The following PRSS3 variants were observed in gnomAD, a reference collection of about 807,000 sequenced individuals.
PRSS3 encodes the protein trypsin-3.
PRSS3 carries 14 observed loss-of-function variants against 20.8 expected under a neutral mutation model. That is an observed-to-expected ratio of 0.67 (90% CI 0.44 to 1.05). The LOEUF is 1.05. PRSS3 is among the 50% of genes least tolerant of loss of function. The probability of loss-of-function intolerance (pLI) is 0.00; values close to 1 mark genes in which losing one functional copy is unlikely to be tolerated. For missense variants in PRSS3, 237 were observed against 306.4 expected, an observed-to-expected ratio of 0.77 and a Z score of 1.69; for synonymous variants, 91 against 117.6, an observed-to-expected ratio of 0.77 and a Z score of 1.46.
Position 33,798,347 on chromosome 9 carries a change from G to C in PRSS3, c.455-139G>C, listed in dbSNP as rs959937229. On this transcript the variant is annotated intron_variant, in intron 3 of 4. Transcript: ENST00000379405. ...TGATCATTCTGGAAACTAAAAGCCA[G>C]AGTCCCTTGCCAGAACTTACGTTTT... 84 of 1,386,548 alleles carry C rather than the reference G, an allele frequency of 6.1e-5. No homozygotes were observed. In the African/African-American group the frequency reaches 8.2e-4, roughly 13 times the overall value. The allele number at this position is 1,386,548 out of a possible 1,614,324, so 85.9% of individuals were successfully genotyped here. A position where few individuals can be genotyped will look rare whatever the true frequency, so the allele number is the denominator to read the frequency against.
In PRSS3 at chr9:33,798,319, C is replaced by G. The variant is rs1304840014; in HGVS notation, c.455-167C>G. The G allele has an allele frequency of 5.4e-6, 7 of 1,292,726 alleles. No homozygotes were observed. In the African/African-American group the frequency reaches 8.8e-5, roughly 16 times the overall value. The allele number at this position is 1,292,726 out of a possible 1,614,324, so 80.1% of individuals were successfully genotyped here. ...TGATCACGTCTTGGGAGGGGTTCAA[C>G]AATGATCATTCTGGAAACTAAAAGC... On this transcript the variant is annotated intron_variant, in intron 3 of 4. Coordinates refer to ENST00000379405, the MANE Select transcript of PRSS3 (RefSeq NM_002771.4).
chr9:33,795,391 A>T, upstream of PRSS3: 2 of 781,082 alleles, frequency 2.6e-6, no homozygotes, highest in Non-Finnish European at 4.2e-6. Context: ...TCACCTGTGA[A>T]TCACAAACCC....
At position 33,771,629 on chromosome 9, in the gene PRSS3, GT is replaced by G. The variant is rs1215528117; in HGVS notation, c.-53+20909del. ...GGCATGAGCCACTGCACTGGGTTTT[GT>G]TTTTTTGTTTTTTTGTTTTTTTTTT... On this transcript the variant is annotated intron_variant, in intron 1 of 5. Transcript: ENST00000342836. Among the ~76,000 whole-genome samples, 21 of 115,224 alleles carry G rather than the reference GT, an allele frequency of 1.8e-4. 1 individual carries two copies. The highest frequency in any genetic ancestry group is 1.4e-3 in the Admixed American group (16 of 11,456). 75.6% of individuals were successfully genotyped at this position (115,224 alleles called of 152,430 possible).
chr9:33,769,507 G>A (rs933889984), intron 1 of PRSS3, among the ~76,000 whole-genome samples: 3 of 152,220 alleles, frequency 2.0e-5, no homozygotes, highest in African/African-American at 7.2e-5. Flanking sequence ...TGCCAGTTTG[G>A]ACCAAAGGAG....
At chr9:33,751,205 C>T (rs1002444073) in intron 1 of PRSS3, among the ~76,000 whole-genome samples, 4 of 152,228 alleles carry the variant, frequency 2.6e-5, no homozygotes, top group African/African-American at 4.8e-5. Context: ...TCACAGCTCA[C>T]ATAGCTCTGG....
At chr9:33,790,191 T>C (rs1453261598) in intron 1 of PRSS3, among the ~76,000 whole-genome samples, 2 of 152,216 alleles carry the variant, frequency 1.3e-5, no homozygotes, top group Non-Finnish European at 2.9e-5. Context: ...TTATAAAATA[T>C]GCATATTATC....
chr9:33,798,188 T>C, intron 3 of PRSS3, 106 bp downstream of exon 3: 3 of 1,570,528 alleles, frequency 1.9e-6, no homozygotes, highest in Non-Finnish European at 2.6e-6. Flanking sequence ...AAGACACATT[T>C]CTAGTGCCCA....
intron 1 of PRSS3, among the ~76,000 whole-genome samples, chr9:33,774,525 G>A (rs145118207): frequency 1.9e-3 from 282 of 152,280 alleles, no homozygotes; most frequent in African/African-American, 6.0e-3. Flanking sequence ...GGCAGGGCAG[G>A]GAGGAGGGAA....
At chr9:33,777,464 A>C (rs1823981879) in intron 1 of PRSS3, among the ~76,000 whole-genome samples, 1 of 148,734 alleles carries the variant, frequency 6.7e-6, no homozygotes, top group Admixed American at 6.8e-5. Context: ...AAGCGGGCGG[A>C]TCATGAGGTC....
intron 1 of PRSS3, among the ~76,000 whole-genome samples, chr9:33,780,602 T>C (rs192116748): frequency 3.5e-4 from 53 of 152,238 alleles, no homozygotes; most frequent in African/African-American, 1.2e-3. Context: ...TAAAAGACAT[T>C]GAGTGGCAAA....
chr9:33,792,723 G>T (rs949963339), upstream of PRSS3, among the ~76,000 whole-genome samples: 1 of 152,122 alleles, frequency 6.6e-6, no homozygotes, highest in Non-Finnish European at 1.5e-5. Flanking sequence ...ATGGGCAATC[G>T]CATAAGTGGT....
At position 33,796,675 on chromosome 9, in the gene PRSS3, G is replaced by C; in HGVS notation, c.73G>C (p.Val25Leu). 1.9e-6 allele frequency: 3 copies of C among 1,582,932 alleles called. No individual in the cohort carries two copies. Among genetic ancestry groups the C allele is most frequent in the Non-Finnish European group, 2.6e-6 (3 of 1,160,226 alleles). The change falls in exon 2 of 5, where the codon GTT becomes CTT. Residue 25 changes from valine (V) to leucine (L), a missense_variant. Transcript: ENST00000379405. ...CCCCTTTGACGATGATGACAAGATT[G>C]TTGGGGGCTACACCTGTGAGGAGAA... ...AVPFDDDDKIVGGYTCEENSL... is the reference protein window; with the variant it reads ...AVPFDDDDKILGGYTCEENSL...
chr9:33,790,021 AATT>A (rs1291213372), intron 1 of PRSS3, among the ~76,000 whole-genome samples: 1 of 152,222 alleles, frequency 6.6e-6, no homozygotes, highest in Non-Finnish European at 1.5e-5. Flanking sequence ...CAAAATATGC[AATT>A]AGTGTAGTTG....
At chr9:33,794,533 A>C (rs376434424), upstream of PRSS3, among the ~76,000 whole-genome samples, 4 of 152,256 alleles carry the variant, frequency 2.6e-5, no homozygotes, top group African/African-American at 9.6e-5. Flanking sequence ...TAAAATAGAA[A>C]ATTCTAGACC....
chr9:33,763,624 G>A (rs1455021709), intron 1 of PRSS3, among the ~76,000 whole-genome samples: 13 of 151,620 alleles, frequency 8.6e-5, no homozygotes, highest in East Asian at 1.9e-4. Context: ...GCGTGAACCC[G>A]GGAGGCGGAG....
intron 1 of PRSS3, among the ~76,000 whole-genome samples, chr9:33,757,050 A>T (rs1025800617): frequency 2.6e-5 from 4 of 152,202 alleles, no homozygotes; most frequent in Non-Finnish European, 5.9e-5. Flanking sequence ...CTGTAGAAAG[A>T]TCTCATTTCT....
At chr9:33,756,497 T>C (rs997160397) in intron 1 of PRSS3, among the ~76,000 whole-genome samples, 5 of 152,186 alleles carry the variant, frequency 3.3e-5, no homozygotes, top group African/African-American at 1.2e-4. Flanking sequence ...TTATATAATT[T>C]TCTCGTTCTT....
chr9:33,794,516 C>T (rs554700583), upstream of PRSS3, among the ~76,000 whole-genome samples: 2 of 152,310 alleles, frequency 1.3e-5, no homozygotes, highest in East Asian at 3.9e-4. Context: ...CATAATCTCA[C>T]TGCATCTAAA....
At chr9:33,782,754 C>T (rs867691753) in intron 1 of PRSS3, among the ~76,000 whole-genome samples, 2 of 152,236 alleles carry the variant, frequency 1.3e-5, no homozygotes, top group African/African-American at 4.8e-5. Context: ...CCAGAACTTA[C>T]ATATATTGTT....
Sources: gnomAD v4.1 joint callset for allele counts (sites outside exome capture counted in the v4.1 genomes callset) on GRCh38, gnomAD v4.1.1 for gene constraint, MANE v1.5 for transcripts, NCBI Gene and HGNC (gene_info 2026-07-23, HGNC 2026-07-21) for gene names.